STX17: variants seen among roughly 807,000 people sequenced by gnomAD.
STX17 encodes the protein syntaxin 17, also known as syntaxin-17.
Under a neutral mutation model 35.9 loss-of-function variants are expected in STX17, and 29 were observed. The observed-to-expected ratio is 0.81, with a 90% confidence interval of 0.60 to 1.10. STX17 has a LOEUF of 1.10. STX17 is among the 50% of genes least tolerant of loss of function. The pLI, the probability that STX17 is intolerant of heterozygous loss-of-function variation, is 0.00. For missense variants in STX17, 312 were observed against 352.3 expected (o/e 0.89, Z 0.92); for synonymous variants, 92 against 118.3 (o/e 0.78, Z 1.44).
Position 99,929,754 on chromosome 9 carries a change from G to A in STX17, c.189+911G>A, listed in dbSNP as rs533279827. On this transcript the variant is annotated intron_variant, in intron 3 of 7. Transcript: ENST00000259400. ...TTATGGAGATATTGTTTTCTGCTGA[G>A]TCAAATAGTGAAATACAGTACTAAC... 8 of 151,684 alleles carry A rather than the reference G, an allele frequency of 5.3e-5. No homozygotes were observed. In the South Asian group the frequency reaches 8.3e-4, roughly 16 times the overall value. 9.4% of individuals were successfully genotyped at this position (151,684 alleles called of 1,614,324 possible). A position where few individuals can be genotyped will look rare whatever the true frequency, so the allele number is the denominator to read the frequency against.
intron 2 of STX17, among the ~76,000 whole-genome samples, chr9:99,928,416 A>G (rs1829034066): frequency 6.6e-6 from 1 of 151,752 alleles, no homozygotes; most frequent in African/African-American, 2.4e-5. Flanking sequence ...CATATACAAT[A>G]AGAATATCTT....
At chr9:99,936,306 C>T (rs1347565651) in intron 3 of STX17, among the ~76,000 whole-genome samples, 5 of 152,058 alleles carry the variant, frequency 3.3e-5, no homozygotes, top group South Asian at 2.1e-4. Context: ...ATGATTGTAT[C>T]GTTTTATATT....
At chr9:99,928,717 T>C in intron 2 of STX17, 61 bp from the exon 3 acceptor site, 1 of 1,461,426 alleles carries the variant, frequency 6.8e-7, no homozygotes, top group South Asian at 1.2e-5. Context: ...ATTTTTGTGG[T>C]AATGGGAAAT....
intron 3 of STX17, among the ~76,000 whole-genome samples, chr9:99,944,087 A>G (rs1285249193): frequency 1.3e-5 from 2 of 151,938 alleles, no homozygotes; most frequent in African/African-American, 4.8e-5. Flanking sequence ...AAGTTTTCTA[A>G]TTTATTGGCA....
At chr9:99,934,164 A>T (rs768458172) in intron 3 of STX17, among the ~76,000 whole-genome samples, 2 of 152,160 alleles carry the variant, frequency 1.3e-5, no homozygotes. Flanking sequence ...AGCTGAAGAG[A>T]TTTAGTGTTT....
intron 4 of STX17, among the ~76,000 whole-genome samples, chr9:99,953,754 C>G (rs1829651009): frequency 6.6e-6 from 1 of 152,040 alleles, no homozygotes. Context: ...AATTGCCTAT[C>G]TCTAGCAATT....
rs1182494241 is a variant in STX17, at chr9:99,970,565, C to A, written c.*1892C>A. Reference sequence around the variant, plus strand: ...ACCTGAATGAGGATCAGAACTCACCCAGGCACATACTAAAGCAAGATTCCT... The same window carrying A: ...ACCTGAATGAGGATCAGAACTCACCAAGGCACATACTAAAGCAAGATTCCT... On this transcript the variant is annotated 3_prime_UTR_variant, in exon 8 of 8. Transcript: ENST00000259400. Among the ~76,000 whole-genome samples the A allele has an allele frequency of 6.6e-6, 1 of 152,164 alleles. No individual in the cohort carries two copies. Among genetic ancestry groups the A allele is most frequent in the Non-Finnish European group, 1.5e-5 (1 of 68,022 alleles).
intron 3 of STX17, among the ~76,000 whole-genome samples, chr9:99,941,548 T>G (rs1179958874): frequency 1.3e-5 from 2 of 152,174 alleles, no homozygotes; most frequent in Non-Finnish European, 2.9e-5. Flanking sequence ...CTGTGAACAC[T>G]CATGTATCAC....
Position 99,954,807 on chromosome 9 carries a change from CA to C in STX17, c.415+3527del, listed in dbSNP as rs532747058. ...ATTTCCATGAGTAAGATCAAAAATA[CA>C]AAAATAGTTTTTCATTTACAGATAG... On this transcript the variant is annotated intron_variant, in intron 4 of 7. Transcript: ENST00000259400. Among the ~76,000 whole-genome samples the C allele has an allele frequency of 3.0e-4, 46 of 152,062 alleles. No homozygotes were observed. In the East Asian group the frequency reaches 6.2e-3, roughly 20 times the overall value.
chr9:99,928,639 G>A, intron 2 of STX17, 139 bp from the exon 3 acceptor site: 1 of 528,740 alleles, frequency 1.9e-6, no homozygotes, highest in Non-Finnish European at 3.3e-6. Context: ...TGTTTGGAAA[G>A]TTAATTACCA....
At chr9:99,919,745 A>G (rs185016989) in intron 2 of STX17, among the ~76,000 whole-genome samples, 3 of 152,266 alleles carry the variant, frequency 2.0e-5, no homozygotes, top group Admixed American at 6.5e-5. Flanking sequence ...GATGTTTGCT[A>G]TTTCTTAGAT....
chr9:99,964,653 A>C (rs938196583), intron 6 of STX17, among the ~76,000 whole-genome samples: 1 of 152,128 alleles, frequency 6.6e-6, no homozygotes, highest in Non-Finnish European at 1.5e-5. Flanking sequence ...TGATAGATAG[A>C]GGTTAGGAGG....
intron 2 of STX17, among the ~76,000 whole-genome samples, chr9:99,916,574 TCCATAGATA>T (rs1201612846): frequency 2.0e-5 from 3 of 152,090 alleles, no homozygotes; most frequent in Non-Finnish European, 4.4e-5. Flanking sequence ...ACCTTTTTCT[TCCATAGATA>T]CCATCTGTCT....
At chr9:99,920,933 T>C (rs146979627) in intron 2 of STX17, among the ~76,000 whole-genome samples, 234 of 152,308 alleles carry the variant, frequency 1.5e-3, no homozygotes, top group Non-Finnish European at 2.8e-3. Flanking sequence ...CATCCTCCAC[T>C]TGAAATAGGA....
rs1282151845 is a variant in STX17, at chr9:99,967,662, GAGA to G, written c.596_598del (p.Lys199del). 1.9e-6 allele frequency: 3 copies of G among 1,613,660 alleles called. No individual in the cohort carries two copies. Among genetic ancestry groups the G allele is most frequent in the Admixed American group, 1.7e-5 (1 of 59,966 alleles). ...ATTCCTTTGCATCTAGTCTCAGCAGGAGAAGATTGACAGCATTGCAGACCATGT... is the reference window on the plus strand; with the variant it reads ...ATTCCTTTGCATCTAGTCTCAGCAGGAGATTGACAGCATTGCAGACCATGT... On this transcript the variant is annotated inframe_deletion, in exon 7 of 8. Transcript: ENST00000259400.
intron 3 of STX17, 21 bp from the exon 4 acceptor site, chr9:99,951,039 A>C (rs758140816): frequency 1.9e-6 from 3 of 1,576,978 alleles, no homozygotes; most frequent in Non-Finnish European, 2.6e-6. Flanking sequence ...TGGTGGCATT[A>C]ATGATTTTTT....
chr9:99,947,005 A>G (rs970523155), intron 3 of STX17, among the ~76,000 whole-genome samples: 3 of 151,926 alleles, frequency 2.0e-5, no homozygotes, highest in African/African-American at 7.3e-5. Flanking sequence ...TTTTTCTTCA[A>G]TGTTTTGAAA....
intron 3 of STX17, chr9:99,945,698 A>G: frequency 5.3e-6 from 2 of 376,832 alleles, no homozygotes; most frequent in South Asian, 4.0e-5. Flanking sequence ...TTTTTAATTT[A>G]TCTAATTTTT....
Position 99,973,691 on chromosome 9 carries a change from T to TC in STX17, c.*5023dup, listed in dbSNP as rs1191025241. Among the ~76,000 whole-genome samples the TC allele has an allele frequency of 2.0e-5, 3 of 152,098 alleles. No homozygotes were observed. The highest frequency in any genetic ancestry group is 6.6e-5 in the Admixed American group (1 of 15,254). On this transcript the variant is annotated 3_prime_UTR_variant, in exon 8 of 8. Coordinates refer to ENST00000259400, the MANE Select transcript of STX17 (RefSeq NM_017919.3). ...TTACCTCACACCCCGCACTTGATCT[T>TC]CCCCCAACTTTAAGTGACTCAGTTC...
Sources: allele counts gnomAD v4.1 joint callset (sites outside exome capture counted in the v4.1 genomes callset), GRCh38; gene constraint gnomAD v4.1.1; transcripts MANE v1.5; gene names NCBI Gene and HGNC (gene_info 2026-07-23, HGNC 2026-07-21).